Variants in PGS1 observed in about 807,000 individuals in gnomAD.
PGS1 encodes the protein phosphatidylglycerophosphate synthase 1.
Under a neutral mutation model 58.3 loss-of-function variants are expected in PGS1, and 44 were observed. The ratio of observed to expected loss-of-function variants is 0.75; its 90% CI spans 0.59 to 0.97. The LOEUF (loss-of-function observed/expected upper bound fraction) is 0.97, where lower values mean the gene tolerates loss of function less well. PGS1 is among the 50% of genes least tolerant of loss of function. The pLI is 0.00. For synonymous variants in PGS1, 330 were observed against 311.0 expected (o/e 1.06, Z -0.64); for missense variants, 684 against 731.1 (o/e 0.94, Z 0.74).
chr17:78,400,630 C>G lies in PGS1; in HGVS notation c.702-47C>G. Reference sequence around the variant, plus strand: ...CCTGGGTCACCAGGACACGCTGCTGCATACCCTTGCCTGAGTCCTCCTCAC... The same window carrying G: ...CCTGGGTCACCAGGACACGCTGCTGGATACCCTTGCCTGAGTCCTCCTCAC... On this transcript the variant is annotated intron_variant, in intron 5 of 9. Coordinates refer to ENST00000262764, the MANE Select transcript of PGS1 (RefSeq NM_024419.5). This position sits in a 1 kb window ranked among gnomAD's most constrained non-coding sequence, Gnocchi z 4.4. The G allele has an allele frequency of 6.4e-7, 1 of 1,564,404 alleles. No homozygotes were observed. The highest frequency in any genetic ancestry group is 8.8e-7 in the Non-Finnish European group (1 of 1,137,292).
intron 1 of PGS1, among the ~76,000 whole-genome samples, chr17:78,384,603 A>G (rs747133502): frequency 6.6e-6 from 1 of 152,150 alleles, no homozygotes; most frequent in South Asian, 2.1e-4. Context: ...CCTTACGGTT[A>G]AAGAAGGGCC....
In PGS1 at chr17:78,411,417, G is replaced by T. The variant is rs151160576; in HGVS notation, c.1403-3462G>T. On this transcript the variant is annotated intron_variant, in intron 7 of 9. Coordinates refer to ENST00000262764, the MANE Select transcript of PGS1 (RefSeq NM_024419.5). ...GGCCCAGAGCTGGGAGGCAGCAGCA[G>T]TCCCAACTCCAGGTCCTCCTCTGGT... Among the ~76,000 whole-genome samples, 52 of 152,332 alleles carry T rather than the reference G, an allele frequency of 3.4e-4. 1 individual carries two copies. The East Asian group carries it at 8.7e-3, about 25-fold the overall frequency.
At chr17:78,417,721 C>T (rs115919295) in intron 8 of PGS1, among the ~76,000 whole-genome samples, 229 of 151,912 alleles carry the variant, frequency 1.5e-3, no homozygotes, top group African/African-American at 5.3e-3. Context: ...GTCCTCACGG[C>T]GGTGTGGATG....
intron 2 of PGS1, among the ~76,000 whole-genome samples, chr17:78,393,055 CTTCGA>C (rs1156946619): frequency 1.3e-5 from 2 of 149,080 alleles, no homozygotes; most frequent in African/African-American, 5.0e-5. Context: ...CGGGCCTAGA[CTTCGA>C]TTCTTTTTTT....
Position 78,399,462 on chromosome 17 carries a change from C to T in PGS1, c.626C>T (p.Pro209Leu), listed in dbSNP as rs759171602. The change falls in exon 5 of 10, where the codon CCT (proline) becomes CTT (leucine). Residue 209 changes from proline to leucine, a missense_variant. Coordinates refer to ENST00000262764, the MANE Select transcript of PGS1 (RefSeq NM_024419.5). ...CGTGGGCTGCTTCGGCTCCTCATCC[C>T]TGAGCGCTTCAACGAGACCATCGGC... ...HLRGLLRLLI[P>L]ERFNETIGLQ... 1.2e-6 allele frequency: 2 copies of T among 1,614,230 alleles called. No individual in the cohort carries two copies. The highest frequency in any genetic ancestry group is 8.5e-7 in the Non-Finnish European group (1 of 1,180,046).
chr17:78,391,410 C>G (rs570264883), intron 1 of PGS1, among the ~76,000 whole-genome samples: 1 of 152,336 alleles, frequency 6.6e-6, no homozygotes, highest in South Asian at 2.1e-4. Context: ...GCCTTGAACT[C>G]TTGGGCTCAG....
chr17:78,408,898 C>T (rs970272549), intron 7 of PGS1, among the ~76,000 whole-genome samples: 7 of 152,160 alleles, frequency 4.6e-5, no homozygotes, highest in Non-Finnish European at 1.0e-4. Context: ...CTCGTGCTGC[C>T]GCAGACACAT....
Position 78,384,765 on chromosome 17 carries a change from C to A in PGS1, c.143+5957C>A, listed in dbSNP as rs892891227. On this transcript the variant is annotated intron_variant, in intron 1 of 9. Transcript: ENST00000262764. ...TCCTACATACCCTGTTTTGAAAAAA[C>A]CCCAAGAAGTTGGCCTGTTACATGT... 3.9e-5 allele frequency among the ~76,000 whole-genome samples: 6 copies of A among 152,340 alleles called. No individual in the cohort carries two copies. In the East Asian group the frequency reaches 1.2e-3, roughly 29 times the overall value.
intron 7 of PGS1, among the ~76,000 whole-genome samples, chr17:78,408,830 TGTGGTGGGACAAG>T (rs1287905193): frequency 6.6e-6 from 1 of 152,070 alleles, no homozygotes; most frequent in Non-Finnish European, 1.5e-5. Flanking sequence ...GCCCAGTAGG[TGTGGTGGGACAAG>T]GTTCTGGGAG....
chr17:78,383,746 ATAAT>A (rs1467853948), intron 1 of PGS1, among the ~76,000 whole-genome samples: 16 of 152,226 alleles, frequency 1.1e-4, no homozygotes, highest in Non-Finnish European at 2.2e-4. Flanking sequence ...GTTTTGCCAA[ATAAT>A]TCAGATTTGA....
At position 78,424,555 on chromosome 17, in the gene PGS1, A is replaced by G. The variant is rs909329989; in HGVS notation, c.*505A>G. 1.2e-5 allele frequency: 2 copies of G among 166,804 alleles called. No individual in the cohort carries two copies. The highest frequency in any genetic ancestry group is 2.5e-5 in the African/African-American group (1 of 40,654). The allele number at this position is 166,804 out of a possible 1,614,324, so 10.3% of individuals were successfully genotyped here. ...ACAATATAATTATACATCTGTGCAT[A>G]TAAATATTGCCTTTAACCAGACTGC... On this transcript the variant is annotated 3_prime_UTR_variant, in exon 10 of 10. Transcript: ENST00000262764.
intron 6 of PGS1, among the ~76,000 whole-genome samples, chr17:78,401,613 G>C (rs918738284): frequency 5.3e-5 from 8 of 152,292 alleles, no homozygotes; most frequent in African/African-American, 1.4e-4. Context: ...AGCTCTCTGC[G>C]TCTTGTGGAC....
chr17:78,385,293 A>AT (rs563493979), intron 1 of PGS1, among the ~76,000 whole-genome samples: 12,965 of 126,856 alleles, frequency 0.1, 565 homozygotes, highest in Middle Eastern at 0.16. Flanking sequence ...TAATTTTTGT[A>AT]TTTTTTTTTT....
At chr17:78,395,584 G>A (rs920035935) in intron 2 of PGS1, among the ~76,000 whole-genome samples, 1 of 152,166 alleles carries the variant, frequency 6.6e-6, no homozygotes, top group African/African-American at 2.4e-5. Context: ...CTGGGGTGGA[G>A]CTGCTAGGGA....
Position 78,378,683 on chromosome 17 carries a change from A to AGCTGCG in PGS1, c.21_26dup (p.Ala8_Ala9dup). On this transcript the variant is annotated inframe_insertion, in exon 1 of 10. Transcript: ENST00000262764. ...GAGTCTCCATGGCGGTGGCGGCGGCAGCTGCGGCGGGACCCGTGTTCTGGA... is the reference window on the plus strand; with the variant it reads ...GAGTCTCCATGGCGGTGGCGGCGGCAGCTGCGGCTGCGGCGGGACCCGTGTTCTGGA... 9 of 1,533,668 alleles carry AGCTGCG rather than the reference A, an allele frequency of 5.9e-6. No individual in the cohort carries two copies. The highest frequency in any genetic ancestry group is 7.8e-6 in the Non-Finnish European group (9 of 1,147,682).
At chr17:78,414,814 G>A (rs531347486) in intron 7 of PGS1, 65 bp from the exon 8 acceptor site, 38 of 1,573,456 alleles carry the variant, frequency 2.4e-5, no homozygotes, top group Admixed American at 1.7e-4. Context: ...TTGCAGCAGC[G>A]TGTGGAGAGG....
intron 8 of PGS1, among the ~76,000 whole-genome samples, chr17:78,415,706 TAAA>T (rs1208917784): frequency 4.6e-5 from 7 of 152,280 alleles, no homozygotes; most frequent in Admixed American, 2.0e-4. Flanking sequence ...TTGAGGGAGA[TAAA>T]AGAAGGTTAC....
intron 1 of PGS1, among the ~76,000 whole-genome samples, chr17:78,386,464 C>T (rs2146084434): frequency 6.6e-6 from 1 of 152,296 alleles, no homozygotes; most frequent in South Asian, 2.1e-4. Flanking sequence ...ACCACTTCCT[C>T]CTTCCCATAA....
At chr17:78,401,264 G>A (rs1273751506) in intron 6 of PGS1, among the ~76,000 whole-genome samples, 1 of 152,162 alleles carries the variant, frequency 6.6e-6, no homozygotes, top group Non-Finnish European at 1.5e-5. Flanking sequence ...ATGAACACGT[G>A]TGCCTGGGCG....
Sources: gnomAD v4.1 joint callset for allele counts (sites outside exome capture counted in the v4.1 genomes callset) on GRCh38, gnomAD v4.1.1 for gene constraint, Gnocchi (gnomAD v3.1) non-coding constraint, MANE v1.5 for transcripts, NCBI Gene and HGNC (gene_info 2026-07-23, HGNC 2026-07-21) for gene names.